The following OAS1 variants were observed in gnomAD, a reference collection of about 807,000 sequenced individuals.
The protein encoded by OAS1 is 2'-5'-oligoadenylate synthase 1.
In OAS1, 24 loss-of-function variants were observed where a neutral mutation model predicts 38.5. That is an observed-to-expected ratio of 0.62 (90% confidence interval 0.45 to 0.88). The LOEUF (loss-of-function observed/expected upper bound fraction) is 0.88. OAS1 is among the 40% of genes least tolerant of loss of function. The probability of loss-of-function intolerance (pLI) is 0.00; values close to 1 mark genes in which losing one functional copy is unlikely to be tolerated. For synonymous variants in OAS1, 169 were observed against 193.9 expected, an observed-to-expected ratio of 0.87 and a Z score of 1.07; for missense variants, 482 against 493.9, an observed-to-expected ratio of 0.98 and a Z score of 0.23.
intron 6 of OAS1, among the ~76,000 whole-genome samples, chr12:112,929,386 TC>T (rs962239528): frequency 1.3e-5 from 2 of 152,156 alleles, no homozygotes; most frequent in Non-Finnish European, 2.9e-5. Flanking sequence ...TCCAGGGCAA[TC>T]TCTTTGCCAA....
Position 112,908,610 on chromosome 12 carries a change from C to A in OAS1, c.255C>A (p.Leu85=). The A allele has an allele frequency of 6.2e-7, 1 of 1,614,238 alleles. No individual in the cohort carries two copies. The change falls in exon 2 of 6, where the codon CTC becomes CTA. Residue 85 remains leucine, a synonymous_variant. Transcript: ENST00000202917. ...DADLVVFLSP[L]TTFQDQLNRR... is the part of the protein sequence containing the mutation. Reference sequence around the variant, plus strand: ...ACCTGGTTGTCTTCCTCAGTCCTCTCACCACTTTTCAGGATCAGTTAAATC... The same window carrying A: ...ACCTGGTTGTCTTCCTCAGTCCTCTAACCACTTTTCAGGATCAGTTAAATC...
chr12:112,925,440 C>T (rs1485010544), intron 6 of OAS1, among the ~76,000 whole-genome samples: 2 of 152,178 alleles, frequency 1.3e-5, no homozygotes, highest in African/African-American at 4.8e-5. Context: ...TGGAGTCACA[C>T]TGCCTGGGCT....
rs55965651 is a variant in OAS1 at position 112,911,356 on chromosome 12, G to T, written c.654+121G>T. On this transcript the variant is annotated intron_variant, in intron 3 of 5. Transcript: ENST00000202917. ...AGGGGGAGTGGTGGAGGGAAATAGA[G>T]GGATGGAAAAAGGAGAGAAAGGAAA... is the stretch of plus-strand genomic sequence containing the variant. The T allele has an allele frequency of 4.0e-4, 304 of 764,668 alleles. 3 individuals are homozygous for T. In the East Asian group the frequency reaches 8.4e-3, roughly 21 times the overall value. The allele number at this position is 764,668 out of a possible 1,614,324, so 47.4% of individuals were successfully genotyped here. A position where few individuals can be genotyped will look rare whatever the true frequency, so the allele number is the denominator to read the frequency against.
Position 112,919,573 on chromosome 12 carries a change from G to C in OAS1, c.*20G>C. The C allele has an allele frequency of 6.2e-7, 1 of 1,614,222 alleles. No homozygotes were observed. The highest frequency in any genetic ancestry group is 2.2e-5 in the East Asian group (1 of 44,886). ...CTCTGAATGCCAGTGCATCTTGGGGGAAAGGGCTCCAGTGTTATCTGGACC... is the reference window on the plus strand; with the variant it reads ...CTCTGAATGCCAGTGCATCTTGGGGCAAAGGGCTCCAGTGTTATCTGGACC... On this transcript the variant is annotated 3_prime_UTR_variant, in exon 6 of 6. Coordinates refer to ENST00000202917, the MANE Select transcript of OAS1 (RefSeq NM_016816.4).
chr12:112,917,584 T>C lies in OAS1; in HGVS notation c.922T>C (p.Leu308=). 1 of 1,614,142 alleles carries C rather than the reference T, an allele frequency of 6.2e-7. No individual in the cohort carries two copies. Among genetic ancestry groups the C allele is most frequent in the Non-Finnish European group, 8.5e-7 (1 of 1,180,010 alleles). The change falls in exon 5 of 6, where the codon TTG becomes CTG. Residue 308 remains leucine (L), a synonymous_variant. Coordinates refer to ENST00000202917, the MANE Select transcript of OAS1 (RefSeq NM_016816.4). ...GGACCCGGCGGACCCTACAGGAAAC[T>C]TGGGTGGTGGAGACCCAAAGGGTTG... ...ILDPADPTGN[L]GGGDPKGWRQ...
Position 112,919,542 on chromosome 12 carries a change from A to G in OAS1, c.1192A>G (p.Thr398Ala), listed in dbSNP as rs1399755287. 1 of 1,614,192 alleles carries G rather than the reference A, an allele frequency of 6.2e-7. No homozygotes were observed. Among genetic ancestry groups the G allele is most frequent in the East Asian group, 2.2e-5 (1 of 44,882 alleles). ...ACAGGCAGAAGAGGACTGGACCTGCACCATCCTCTGAATGCCAGTGCATCT... is the reference window on the plus strand; with the variant it reads ...ACAGGCAGAAGAGGACTGGACCTGCGCCATCCTCTGAATGCCAGTGCATCT... ...TPQAEEDWTC[T>A]IL The change falls in exon 6 of 6, where the codon ACC becomes GCC. Residue 398 changes from threonine (T) to alanine (A), a missense_variant. By Grantham distance (58) the Thr-to-Ala change is moderately conservative (BLOSUM62 0). Transcript: ENST00000202917.
intron 4 of OAS1, among the ~76,000 whole-genome samples, chr12:112,917,215 C>A (rs2043473153): frequency 6.6e-6 from 1 of 152,164 alleles, no homozygotes; most frequent in Admixed American, 6.5e-5. Flanking sequence ...CACAGCATAG[C>A]CTTTGAGATA....
chr12:112,925,848 C>G (rs1469868986), intron 6 of OAS1, among the ~76,000 whole-genome samples: 1 of 152,116 alleles, frequency 6.6e-6, no homozygotes, highest in Non-Finnish European at 1.5e-5. Context: ...CTTAGTGTTA[C>G]AGAGAGGACT....
chr12:112,931,229 T>C (rs577956680), intron 6 of OAS1, among the ~76,000 whole-genome samples: 63 of 152,372 alleles, frequency 4.1e-4, no homozygotes, highest in Non-Finnish European at 8.2e-4. Context: ...TCCAGGCACA[T>C]GCTAGGGACC....
chr12:112,911,273 G>T (rs750272572), intron 3 of OAS1, 38 bp downstream of exon 3: 1 of 1,508,288 alleles, frequency 6.6e-7, no homozygotes, highest in South Asian at 1.3e-5. Flanking sequence ...GTCCTGTCTC[G>T]ACTGGGAGCA....
chr12:112,932,160 T>TTC (rs1010670771), downstream of OAS1: 37 of 453,904 alleles, frequency 8.2e-5, no homozygotes, highest in South Asian at 1.2e-4. Context: ...CCCTGTCTCC[T>TTC]TCTCTCTCTC....
intron 2 of OAS1, among the ~76,000 whole-genome samples, chr12:112,910,185 T>A (rs1485819941): frequency 1.3e-5 from 2 of 152,006 alleles, no homozygotes; most frequent in Non-Finnish European, 2.9e-5. Flanking sequence ...CTGGCCAACA[T>A]GGTGAAATCT....
intron 6 of OAS1, among the ~76,000 whole-genome samples, chr12:112,926,044 A>C (rs927999194): frequency 6.6e-6 from 1 of 152,230 alleles, no homozygotes; most frequent in African/African-American, 2.4e-5. Context: ...TTGTCTGATG[A>C]GATAACAGGC....
chr12:112,932,029 A>G (rs1183459733), exon 7 of OAS1: 1 of 661,718 alleles, frequency 1.5e-6, no homozygotes, highest in Non-Finnish European at 2.7e-6. Context: ...TCAATAATAA[A>G]CAGACGTCTC....
intron 6 of OAS1, chr12:112,931,782 A>G (rs944272055): frequency 1.1e-5 from 6 of 566,898 alleles, no homozygotes; most frequent in African/African-American, 5.8e-5. Context: ...TGACTGCCAG[A>G]GTGGAGATGC....
At chr12:112,912,498 G>A (rs1450355932) in intron 3 of OAS1, among the ~76,000 whole-genome samples, 1 of 152,062 alleles carries the variant, frequency 6.6e-6, no homozygotes, top group Non-Finnish European at 1.5e-5. Context: ...ACACCTCTAG[G>A]TAAAAAAAAG....
At chr12:112,909,376 C>A (rs1356497856) in intron 2 of OAS1, among the ~76,000 whole-genome samples, 3 of 152,144 alleles carry the variant, frequency 2.0e-5, no homozygotes, top group African/African-American at 7.2e-5. Flanking sequence ...TAGGAACTTC[C>A]AGCCAAGTGT....
At chr12:112,910,106 G>A (rs1357403708) in intron 2 of OAS1, among the ~76,000 whole-genome samples, 3 of 152,134 alleles carry the variant, frequency 2.0e-5, no homozygotes, top group African/African-American at 7.2e-5. Flanking sequence ...AGTGGCTCAC[G>A]CCTGTAATCT....
intron 6 of OAS1, among the ~76,000 whole-genome samples, chr12:112,929,562 C>A (rs1306133831): frequency 6.6e-6 from 1 of 152,170 alleles, no homozygotes; most frequent in African/African-American, 2.4e-5. Flanking sequence ...AAACCATTAC[C>A]AGATGTCAGG....
Sources: gnomAD v4.1 joint callset for allele counts (sites outside exome capture counted in the v4.1 genomes callset) on GRCh38, gnomAD v4.1.1 for gene constraint, MANE v1.5 for transcripts, NCBI Gene and HGNC (gene_info 2026-07-23, HGNC 2026-07-21) for gene names.